DLEU7: variants seen among roughly 807,000 people sequenced by gnomAD.
DLEU7 encodes deleted in lymphocytic leukemia 7, also known as leukemia-associated protein 7.
A neutral mutation model predicts 16.0 loss-of-function variants in DLEU7; 17 were observed. The ratio of observed to expected loss-of-function variants is 1.06; its 90% CI spans 0.73 to 1.59. The LOEUF is 1.59. DLEU7 is among the 40% of genes most tolerant of loss of function. The pLI is 0.00. For missense variants in DLEU7, 308 were observed against 314.9 expected (o/e 0.98, Z 0.17); for synonymous variants, 113 against 139.8 (o/e 0.81, Z 1.35).
chr13:50,723,361 A>G lies in DLEU7; in HGVS notation c.460-10121T>C, dbSNP rs578240119. The G allele has an allele frequency of 1.6e-4, 25 of 152,190 alleles. 1 individual carries two copies. Among genetic ancestry groups the G allele is most frequent in the Middle Eastern group, 6.8e-3 (2 of 294 alleles). 9.4% of individuals were successfully genotyped at this position (152,190 alleles called of 1,614,324 possible). On this transcript the variant is annotated intron_variant, in intron 1 of 1. Coordinates refer to the DLEU7 transcript ENST00000400393. ...GAAACAACAAACATTATGGACCTCT[A>G]TATCTATTAGCTACCATCGCATAAT...
rs34299541 is a variant in DLEU7 at position 50,742,084 on chromosome 13, C to CA, written c.460-28845dup. 5.3e-5 allele frequency among the ~76,000 whole-genome samples: 8 copies of CA among 152,092 alleles called. No homozygotes were observed. The South Asian group carries it at 1.5e-3, about 28-fold the overall frequency. ...CATATTTATTTTGCCCTAAGATATT[C>CA]AAAAAATTTTTCTAATATTACTTAA... On this transcript the variant is annotated intron_variant, in intron 1 of 1. Coordinates refer to the DLEU7 transcript ENST00000400393.
intron 1 of DLEU7, among the ~76,000 whole-genome samples, chr13:50,796,973 TCTAA>T (rs936963649): frequency 1.2e-4 from 18 of 152,286 alleles, no homozygotes; most frequent in African/African-American, 4.1e-4. Context: ...GTTAACACAC[TCTAA>T]CTAATACATT....
chr13:50,727,234 AGT>A (rs1491257896), intron 1 of DLEU7, among the ~76,000 whole-genome samples: 1 of 138,504 alleles, frequency 7.2e-6, no homozygotes, highest in Non-Finnish European at 1.6e-5. Context: ...TGTGTGTGTG[AGT>A]GTGTGTGAGC....
chr13:50,752,415 G>A (rs1874597306), intron 1 of DLEU7, among the ~76,000 whole-genome samples: 2 of 152,090 alleles, frequency 1.3e-5, no homozygotes, highest in African/African-American at 4.8e-5. Flanking sequence ...CACCTTTGCT[G>A]TATCCCAGAG....
At chr13:50,822,654 G>C, downstream of DLEU7, 5 of 985,070 alleles carry the variant, frequency 5.1e-6, no homozygotes, top group Non-Finnish European at 4.8e-6. Flanking sequence ...TAATAATACT[G>C]TGCTTTGTAT....
chr13:50,733,534 G>T (rs957817836), intron 1 of DLEU7, among the ~76,000 whole-genome samples: 3 of 151,938 alleles, frequency 2.0e-5, no homozygotes, highest in African/African-American at 7.3e-5. Flanking sequence ...CTGATGCAAG[G>T]GATCTATCTC....
chr13:50,821,082 G>C (rs1007387621), downstream of DLEU7, among the ~76,000 whole-genome samples: 1 of 152,092 alleles, frequency 6.6e-6, no homozygotes, highest in African/African-American at 2.4e-5. Context: ...AATGGAGAAT[G>C]CCAAGGGTCC....
chr13:50,833,055 A>G (rs538571161), intron 1 of DLEU7, among the ~76,000 whole-genome samples: 3 of 152,214 alleles, frequency 2.0e-5, no homozygotes, highest in Non-Finnish European at 4.4e-5. Context: ...TCTCAAAATT[A>G]TAAGAGCTAT....
intron 1 of DLEU7, among the ~76,000 whole-genome samples, chr13:50,781,660 A>G (rs1006558209): frequency 2.0e-5 from 3 of 152,162 alleles, no homozygotes; most frequent in Non-Finnish European, 4.4e-5. Context: ...GGCATAAATT[A>G]TCAATAGCAA....
Position 50,810,382 on chromosome 13 carries a change from C to T in DLEU7, c.459+32806G>A, listed in dbSNP as rs1328410613. Reference sequence around the variant, plus strand: ...ACAGAGTTTCCATCTTTTAATTTTACAAAGAAAGGTCATCTAAACAAAACA... The same window carrying T: ...ACAGAGTTTCCATCTTTTAATTTTATAAAGAAAGGTCATCTAAACAAAACA... On this transcript the variant is annotated intron_variant, in intron 1 of 1. Coordinates refer to the DLEU7 transcript ENST00000400393. 2.6e-5 allele frequency among the ~76,000 whole-genome samples: 4 copies of T among 152,064 alleles called. No individual in the cohort carries two copies. In the East Asian group the frequency reaches 7.8e-4, roughly 29 times the overall value.
chr13:50,781,910 A>G (rs1331412102), intron 1 of DLEU7, among the ~76,000 whole-genome samples: 2 of 152,226 alleles, frequency 1.3e-5, no homozygotes, highest in Non-Finnish European at 2.9e-5. Context: ...ATTTGATGCC[A>G]AGAGCCCACT....
chr13:50,799,466 T>G (rs1474156445), intron 1 of DLEU7, among the ~76,000 whole-genome samples: 1 of 152,248 alleles, frequency 6.6e-6, no homozygotes, highest in African/African-American at 2.4e-5. Flanking sequence ...AGTAACTAAC[T>G]GCCTTGTAGC....
chr13:50,787,792 C>T (rs939485081), intron 1 of DLEU7, among the ~76,000 whole-genome samples: 1 of 151,952 alleles, frequency 6.6e-6, no homozygotes, highest in Non-Finnish European at 1.5e-5. Flanking sequence ...CAGACCAGTT[C>T]CACCCCCATC....
intron 1 of DLEU7, among the ~76,000 whole-genome samples, chr13:50,790,934 C>G (rs922495561): frequency 6.6e-6 from 1 of 152,074 alleles, no homozygotes; most frequent in African/African-American, 2.4e-5. Flanking sequence ...TTCGGCTATA[C>G]CCAAAGAAGG....
intron 1 of DLEU7, among the ~76,000 whole-genome samples, chr13:50,807,144 T>C (rs1566257490): frequency 6.7e-6 from 1 of 149,136 alleles, no homozygotes; most frequent in Non-Finnish European, 1.5e-5. Flanking sequence ...TTTAGATTGT[T>C]ATCTTTAAAT....
At chr13:50,819,324 G>A (rs763615424), downstream of DLEU7, among the ~76,000 whole-genome samples, 4 of 152,224 alleles carry the variant, frequency 2.6e-5, no homozygotes, top group Admixed American at 6.5e-5. Context: ...AAAGAGACTC[G>A]TGTCTTAGGT....
At chr13:50,722,768 T>A (rs947218892) in intron 1 of DLEU7, among the ~76,000 whole-genome samples, 1 of 152,210 alleles carries the variant, frequency 6.6e-6, no homozygotes, top group Non-Finnish European at 1.5e-5. Flanking sequence ...TTTTCATTAT[T>A]TGAAAAATTA....
intron 1 of DLEU7, among the ~76,000 whole-genome samples, chr13:50,746,834 G>A (rs1874409566): frequency 6.6e-6 from 1 of 152,236 alleles, no homozygotes; most frequent in East Asian, 1.9e-4. Context: ...TCAAACCCAA[G>A]CCTTGTCACT....
At chr13:50,793,007 T>C (rs1384172218) in intron 1 of DLEU7, among the ~76,000 whole-genome samples, 1 of 152,192 alleles carries the variant, frequency 6.6e-6, no homozygotes, top group Non-Finnish European at 1.5e-5. Flanking sequence ...AGGTAGTTTT[T>C]TTCAACCCTT....
Sources: gnomAD v4.1 joint callset for allele counts (sites outside exome capture counted in the v4.1 genomes callset) on GRCh38, gnomAD v4.1.1 for gene constraint, MANE v1.5 for transcripts, NCBI Gene and HGNC (gene_info 2026-07-23, HGNC 2026-07-21) for gene names.